PTPRK: variants seen among roughly 807,000 people sequenced by gnomAD.
PTPRK encodes the protein receptor-type tyrosine-protein phosphatase kappa.
In PTPRK, 75 loss-of-function variants were observed where a neutral mutation model predicts 178.0. That is an observed-to-expected ratio of 0.42 (90% CI 0.35 to 0.51). The LOEUF (loss-of-function observed/expected upper bound fraction) is 0.51, where lower values mean the gene tolerates loss of function less well. Among genes scored for constraint, PTPRK ranks in the 20% least tolerant of loss-of-function variants. PTPRK has a pLI of 0.02. For synonymous variants in PTPRK, 637 were observed against 620.6 expected, an observed-to-expected ratio of 1.03 and a Z score of -0.39; for missense variants, 1,441 against 1,797.8, an observed-to-expected ratio of 0.80 and a Z score of 3.59.
At chr6:128,462,532 T>C (rs906561535) in intron 1 of PTPRK, among the ~76,000 whole-genome samples, 7 of 151,712 alleles carry the variant, frequency 4.6e-5, no homozygotes, top group African/African-American at 1.7e-4. Flanking sequence ...TGGAGGGACA[T>C]CAGAGAAAGA....
At chr6:128,407,077 ACG>A (rs1279514702) in intron 1 of PTPRK, among the ~76,000 whole-genome samples, 1 of 152,218 alleles carries the variant, frequency 6.6e-6, no homozygotes, top group East Asian at 1.9e-4. Context: ...CTACTTAGAA[ACG>A]TGTGTCAATT....
intron 3 of PTPRK, among the ~76,000 whole-genome samples, chr6:128,269,209 T>C (rs959721440): frequency 3.3e-5 from 5 of 152,044 alleles, no homozygotes; most frequent in African/African-American, 1.2e-4. Flanking sequence ...AGGCAGTGTA[T>C]AGAAGGCAGG....
intron 13 of PTPRK, among the ~76,000 whole-genome samples, chr6:128,047,946 T>C (rs971508415): frequency 6.6e-6 from 1 of 152,210 alleles, no homozygotes; most frequent in East Asian, 1.9e-4. Flanking sequence ...GTTTAGACAA[T>C]ATGGCTCAAC....
Position 128,335,981 on chromosome 6 carries a change from C to G in PTPRK, c.224-13671G>C, listed in dbSNP as rs183810194. 3.9e-3 allele frequency among the ~76,000 whole-genome samples: 594 copies of G among 152,148 alleles called. 4 individuals carry two copies. Among genetic ancestry groups the G allele is most frequent in the African/African-American group, 0.013 (554 of 41,506 alleles). ...TTGAAAAACAAAATTTAAAAAATAG[C>G]CAAAACACATCTGGTCAATTATGAA... On this transcript the variant is annotated intron_variant, in intron 2 of 29. Transcript: ENST00000368226.
intron 6 of PTPRK, among the ~76,000 whole-genome samples, chr6:128,205,373 T>A (rs1163830118): frequency 6.6e-6 from 1 of 152,042 alleles, no homozygotes; most frequent in Non-Finnish European, 1.5e-5. Context: ...GACACATTTA[T>A]GTATGTAACA....
intron 2 of PTPRK, among the ~76,000 whole-genome samples, chr6:128,358,654 A>G (rs1834287537): frequency 6.6e-6 from 1 of 152,234 alleles, no homozygotes; most frequent in Admixed American, 6.5e-5. Flanking sequence ...TCAGTAGCAG[A>G]ATACCTAGAA....
intron 7 of PTPRK, among the ~76,000 whole-genome samples, chr6:128,165,674 C>T (rs964764954): frequency 3.3e-5 from 5 of 151,132 alleles, no homozygotes; most frequent in Non-Finnish European, 7.4e-5. Context: ...TGGAGCTGTT[C>T]ATAAGATGAT....
At chr6:127,971,150 CA>C (rs1358633211) in intron 29 of PTPRK, among the ~76,000 whole-genome samples, 1 of 152,108 alleles carries the variant, frequency 6.6e-6, no homozygotes, top group East Asian at 1.9e-4. Flanking sequence ...AACATATTGG[CA>C]ATAAAATTTT....
chr6:128,281,568 G>A (rs1241623802), intron 3 of PTPRK, among the ~76,000 whole-genome samples: 2 of 152,018 alleles, frequency 1.3e-5, no homozygotes, highest in Non-Finnish European at 2.9e-5. Flanking sequence ...CCCTATGCCT[G>A]GCACTCAGTA....
chr6:128,047,442 T>A (rs907337362), intron 13 of PTPRK, among the ~76,000 whole-genome samples: 1 of 152,082 alleles, frequency 6.6e-6, no homozygotes, highest in Non-Finnish European at 1.5e-5. Context: ...AAATGAAAAA[T>A]GAATGCCCAC....
At chr6:128,397,348 C>T (rs1233142617) in intron 2 of PTPRK, among the ~76,000 whole-genome samples, 1 of 151,194 alleles carries the variant, frequency 6.6e-6, no homozygotes, top group East Asian at 1.9e-4. Context: ...GAAAAAAACA[C>T]TAATACTTAT....
chr6:127,995,407 A>G, intron 18 of PTPRK, 55 bp downstream of exon 18: 1 of 1,475,692 alleles, frequency 6.8e-7, no homozygotes, highest in Non-Finnish European at 9.4e-7. Flanking sequence ...ATAAGCAAAA[A>G]GGTTCATATA....
intron 3 of PTPRK, among the ~76,000 whole-genome samples, chr6:128,303,010 G>A (rs919462923): frequency 5.3e-5 from 8 of 151,932 alleles, no homozygotes; most frequent in Non-Finnish European, 8.8e-5. Flanking sequence ...AATAACTTAT[G>A]TATCAAAAAA....
At chr6:128,066,786 T>G (rs1781841501) in intron 12 of PTPRK, among the ~76,000 whole-genome samples, 1 of 152,300 alleles carries the variant, frequency 6.6e-6, no homozygotes, top group Middle Eastern at 3.4e-3. Flanking sequence ...GCATGAGGCA[T>G]GAAAGGCCAG....
At chr6:128,418,466 T>C (rs746804116) in intron 1 of PTPRK, among the ~76,000 whole-genome samples, 26 of 152,174 alleles carry the variant, frequency 1.7e-4, no homozygotes, top group Non-Finnish European at 2.6e-4. Flanking sequence ...TAGATTCTGA[T>C]AGAAGTGTGA....
intron 3 of PTPRK, chr6:128,321,485 T>A (rs900416706): frequency 3.4e-6 from 1 of 291,660 alleles, no homozygotes; most frequent in African/African-American, 2.3e-5. Flanking sequence ...GTGAATAACT[T>A]ATCCTTTTTG....
intron 1 of PTPRK, among the ~76,000 whole-genome samples, chr6:128,453,300 T>G (rs1338904702): frequency 2.0e-5 from 3 of 152,198 alleles, no homozygotes; most frequent in South Asian, 4.1e-4. Flanking sequence ...TGGGACTCAC[T>G]GCATAGGCTC....
intron 1 of PTPRK, among the ~76,000 whole-genome samples, chr6:128,452,506 C>T (rs1847918625): frequency 6.6e-6 from 1 of 151,920 alleles, no homozygotes; most frequent in Admixed American, 6.6e-5. Flanking sequence ...GAAAATAATC[C>T]AAGCTTACTT....
chr6:128,420,365 A>G (rs543705377), intron 1 of PTPRK, among the ~76,000 whole-genome samples: 1 of 152,344 alleles, frequency 6.6e-6, no homozygotes, highest in East Asian at 1.9e-4. Flanking sequence ...TTTGCCTGAA[A>G]TTCTTGTAAG....
Sources: gnomAD v4.1 joint callset for allele counts (sites outside exome capture counted in the v4.1 genomes callset) on GRCh38, gnomAD v4.1.1 for gene constraint, MANE v1.5 for transcripts, NCBI Gene and HGNC (gene_info 2026-07-23, HGNC 2026-07-21) for gene names.